Variants in ERBB4 observed in about 807,000 individuals in gnomAD.
ERBB4 encodes the protein receptor tyrosine-protein kinase erbB-4.
ERBB4 carries 42 observed loss-of-function variants against 158.0 expected under a neutral mutation model. That is an observed-to-expected ratio of 0.27 (90% CI 0.21 to 0.34). ERBB4 has a LOEUF of 0.34. Ranked by LOEUF, ERBB4 falls within the 10% of genes least tolerant of loss-of-function variation. The probability of loss-of-function intolerance (pLI) is 1.00; values close to 1 mark genes in which losing one functional copy is unlikely to be tolerated. For synonymous variants in ERBB4, 583 were observed against 558.7 expected (o/e 1.04, Z -0.61); for missense variants, 1,333 against 1,624.1 (o/e 0.82, Z 3.08).
chr2:211,843,484 A>T (rs957801136), intron 3 of ERBB4, among the ~76,000 whole-genome samples: 1 of 152,120 alleles, frequency 6.6e-6, no homozygotes, highest in South Asian at 2.1e-4. Flanking sequence ...AAGTCATTGT[A>T]TACCACAGAC....
chr2:212,281,169 G>A (rs142614054), intron 1 of ERBB4, among the ~76,000 whole-genome samples: 2 of 151,288 alleles, frequency 1.3e-5, no homozygotes, highest in African/African-American at 4.8e-5. Context: ...ATCTCAATTT[G>A]CTCTTCTATT....
intron 3 of ERBB4, among the ~76,000 whole-genome samples, chr2:211,852,200 A>G (rs1256788532): frequency 6.6e-6 from 1 of 151,944 alleles, no homozygotes. Flanking sequence ...ACTATTTTCC[A>G]TACATTGCCC....
chr2:212,268,598 G>C (rs1304467061), intron 1 of ERBB4, among the ~76,000 whole-genome samples: 1 of 151,866 alleles, frequency 6.6e-6, no homozygotes, highest in African/African-American at 2.4e-5. Flanking sequence ...CTTCTGCAAA[G>C]GTTTGGATAG....
chr2:212,286,793 A>G (rs1459096231), intron 1 of ERBB4, among the ~76,000 whole-genome samples: 20 of 3,268 alleles, frequency 6.1e-3, no homozygotes, highest in African/African-American at 0.014. Context: ...TTTTTTTTGT[A>G]GAGACGGGAT....
intron 25 of ERBB4, among the ~76,000 whole-genome samples, chr2:211,411,782 C>G (rs1481913830): frequency 6.6e-6 from 1 of 152,130 alleles, no homozygotes; most frequent in African/African-American, 2.4e-5. Context: ...CTAAAACATG[C>G]ATCATTCCAG....
chr2:211,714,048 T>C (rs1204928873), intron 7 of ERBB4, among the ~76,000 whole-genome samples: 2 of 152,246 alleles, frequency 1.3e-5, no homozygotes, highest in South Asian at 2.1e-4. Context: ...TGAACTGCCT[T>C]GGATCAGAGT....
intron 1 of ERBB4, among the ~76,000 whole-genome samples, chr2:212,510,213 A>G (rs944080017): frequency 1.8e-5 from 2 of 110,236 alleles, no homozygotes; most frequent in African/African-American, 3.0e-5. Context: ...CAGTATATAT[A>G]TATATATATA....
rs866019314 is a variant in ERBB4 at position 211,895,131 on chromosome 2, G to T, written c.421+52299C>A. 4.3e-4 allele frequency among the ~76,000 whole-genome samples: 65 copies of T among 152,230 alleles called. 1 individual carries two copies. The highest frequency in any genetic ancestry group is 3.4e-3 in the Middle Eastern group (1 of 294). On this transcript the variant is annotated intron_variant, in intron 3 of 27. Transcript: ENST00000342788. The stretch of plus-strand genomic sequence containing the variant: ...TTCTGTCTCCCTTGCAGTTAGGTGG[G>T]ACCATATGACTATGTTCTATCCAAA...
intron 25 of ERBB4, among the ~76,000 whole-genome samples, chr2:211,412,657 A>G (rs374854579): frequency 9.9e-5 from 15 of 152,204 alleles, no homozygotes; most frequent in African/African-American, 2.9e-4. Flanking sequence ...CTTTCATTAT[A>G]AGAAATTGAA....
intron 3 of ERBB4, among the ~76,000 whole-genome samples, chr2:211,797,275 T>C (rs1435508537): frequency 6.6e-6 from 1 of 151,904 alleles, no homozygotes; most frequent in Non-Finnish European, 1.5e-5. Context: ...GGGACGGTCA[T>C]ATTAGTACTC....
intron 3 of ERBB4, among the ~76,000 whole-genome samples, chr2:211,822,522 T>C (rs2077017441): frequency 6.6e-6 from 1 of 152,048 alleles, no homozygotes; most frequent in African/African-American, 2.4e-5. Flanking sequence ...GACATCTATC[T>C]GTACACTTTG....
chr2:211,923,091 T>C (rs1300517200), intron 3 of ERBB4, among the ~76,000 whole-genome samples: 2 of 152,124 alleles, frequency 1.3e-5, no homozygotes, highest in Non-Finnish European at 2.9e-5. Flanking sequence ...GAGTCTGAGA[T>C]TCATAGGAGA....
intron 2 of ERBB4, among the ~76,000 whole-genome samples, chr2:212,082,504 T>C (rs879431636): frequency 1.1e-4 from 17 of 152,020 alleles, no homozygotes; most frequent in Non-Finnish European, 2.2e-4. Context: ...AAATGGCATA[T>C]GTGGGTATTA....
At chr2:211,578,564 CTACAG>C (rs1416965494) in intron 19 of ERBB4, among the ~76,000 whole-genome samples, 1 of 152,092 alleles carries the variant, frequency 6.6e-6, no homozygotes, top group Admixed American at 6.5e-5. Flanking sequence ...TATTACAAGG[CTACAG>C]TAACCAAAAC....
intron 19 of ERBB4, among the ~76,000 whole-genome samples, chr2:211,577,368 C>CT (rs1051029578): frequency 3.3e-5 from 5 of 151,928 alleles, no homozygotes; most frequent in South Asian, 2.1e-4. Flanking sequence ...TATTTCTGCT[C>CT]TTTTTTTTAC....
intron 1 of ERBB4, among the ~76,000 whole-genome samples, chr2:212,375,940 C>A (rs532557560): frequency 6.6e-6 from 1 of 152,076 alleles, no homozygotes; most frequent in East Asian, 1.9e-4. Context: ...TAACTTGTTT[C>A]GAGAAGGGAG....
chr2:211,557,396 A>G (rs1016833752), intron 20 of ERBB4, among the ~76,000 whole-genome samples: 1 of 152,210 alleles, frequency 6.6e-6, no homozygotes, highest in Admixed American at 6.5e-5. Flanking sequence ...TAGCATCTAT[A>G]TGGAACTTAA....
At chr2:212,414,088 C>A (rs1389679109) in intron 1 of ERBB4, among the ~76,000 whole-genome samples, 2 of 152,182 alleles carry the variant, frequency 1.3e-5, no homozygotes, top group East Asian at 3.8e-4. Flanking sequence ...AACTCTTAAA[C>A]ATGCACACAT....
At chr2:212,295,736 T>C (rs1282254062) in intron 1 of ERBB4, among the ~76,000 whole-genome samples, 2 of 152,046 alleles carry the variant, frequency 1.3e-5, no homozygotes. Flanking sequence ...AAGTAACAAG[T>C]ACATAGTAGC....
Sources: gnomAD v4.1 joint callset for allele counts (sites outside exome capture counted in the v4.1 genomes callset) on GRCh38, gnomAD v4.1.1 for gene constraint, MANE v1.5 for transcripts, NCBI Gene and HGNC (gene_info 2026-07-23, HGNC 2026-07-21) for gene names.